RAB3C: variants seen among roughly 807,000 people sequenced by gnomAD.
The protein encoded by RAB3C is RAB3C, member RAS oncogene family.
RAB3C carries 17 observed loss-of-function variants against 26.4 expected under a neutral mutation model. That is an observed-to-expected ratio of 0.64 (90% confidence interval 0.44 to 0.97). The LOEUF (loss-of-function observed/expected upper bound fraction) is 0.97, where lower values mean the gene tolerates loss of function less well. RAB3C is among the 50% of genes least tolerant of loss of function. The pLI is 0.00. For missense variants in RAB3C, 242 were observed against 281.9 expected (o/e 0.86, Z 1.01); for synonymous variants, 91 against 95.9 (o/e 0.95, Z 0.30).
intron 1 of RAB3C, among the ~76,000 whole-genome samples, chr5:58,604,902 G>T (rs1746528709): frequency 6.6e-6 from 1 of 152,162 alleles, no homozygotes; most frequent in Admixed American, 6.5e-5. Flanking sequence ...TTTAACCGCT[G>T]CTCCTCTGGC....
chr5:58,594,992 G>C lies in RAB3C; in HGVS notation c.24+11760G>C, dbSNP rs146918566. On this transcript the variant is annotated intron_variant, in intron 1 of 4. Transcript: ENST00000282878. ...TCCTCAGGAAGAGGTATTCTTGTAA[G>C]AGCTATTCCTCATTTTGTGTTCTCC... is the stretch of plus-strand genomic sequence containing the variant. Among the ~76,000 whole-genome samples the C allele has an allele frequency of 2.1e-3, 320 of 151,900 alleles. 2 individuals carry two copies. The highest frequency in any genetic ancestry group is 7.5e-3 in the African/African-American group (309 of 41,430).
intron 3 of RAB3C, among the ~76,000 whole-genome samples, chr5:58,793,876 G>A (rs1742583710): frequency 6.6e-6 from 1 of 152,088 alleles, no homozygotes; most frequent in Non-Finnish European, 1.5e-5. Context: ...CTATGGTCCT[G>A]ATTATACATT....
chr5:58,647,934 T>C (rs1484723888), intron 2 of RAB3C, among the ~76,000 whole-genome samples: 4 of 152,364 alleles, frequency 2.6e-5, no homozygotes, highest in South Asian at 4.1e-4. Context: ...GTGGTTATCA[T>C]GTTTTGAAGA....
chr5:58,583,302 A>G, intron 1 of RAB3C, 70 bp downstream of exon 1: 1 of 1,606,476 alleles, frequency 6.2e-7, no homozygotes, highest in South Asian at 1.1e-5. Context: ...CTCCGCGCAC[A>G]AGCAGTTCAA....
intron 2 of RAB3C, among the ~76,000 whole-genome samples, chr5:58,642,018 C>A (rs915241836): frequency 5.3e-5 from 8 of 152,150 alleles, no homozygotes; most frequent in African/African-American, 1.9e-4. Flanking sequence ...AAAATAAGGA[C>A]AATAGTAGTA....
At chr5:58,633,522 T>C (rs1747229255) in intron 2 of RAB3C, among the ~76,000 whole-genome samples, 2 of 152,170 alleles carry the variant, frequency 1.3e-5, no homozygotes, top group South Asian at 4.1e-4. Flanking sequence ...ATGGACATTC[T>C]CTCCAGGTAG....
chr5:58,620,027 ATAT>A (rs1579821053), intron 2 of RAB3C, among the ~76,000 whole-genome samples: 1 of 152,048 alleles, frequency 6.6e-6, no homozygotes, highest in Middle Eastern at 3.4e-3. Context: ...AGTCTCTGAA[ATAT>A]TATTATCTTC....
intron 3 of RAB3C, among the ~76,000 whole-genome samples, chr5:58,799,321 A>G (rs1425104007): frequency 6.6e-6 from 1 of 152,156 alleles, no homozygotes; most frequent in Admixed American, 6.5e-5. Context: ...AACTAGATGT[A>G]TGGCAACTTC....
At chr5:58,697,877 T>G (rs1384001643) in intron 2 of RAB3C, among the ~76,000 whole-genome samples, 1 of 152,212 alleles carries the variant, frequency 6.6e-6, no homozygotes, top group Non-Finnish European at 1.5e-5. Flanking sequence ...TCTATACAAT[T>G]TGCCAGTCTA....
intron 3 of RAB3C, among the ~76,000 whole-genome samples, chr5:58,774,485 G>T (rs560761331): frequency 6.6e-6 from 1 of 152,250 alleles, no homozygotes; most frequent in African/African-American, 2.4e-5. Flanking sequence ...GCCAGGCACT[G>T]TTTCTAGCAC....
chr5:58,801,404 G>C (rs1423375), intron 3 of RAB3C, among the ~76,000 whole-genome samples: 92,389 of 152,068 alleles, frequency 0.61, 28,519 homozygotes, highest in Middle Eastern at 0.7. Flanking sequence ...GACTACATAG[G>C]ACCTGTATGA....
At chr5:58,659,499 C>T (rs1177528012) in intron 2 of RAB3C, among the ~76,000 whole-genome samples, 1 of 152,072 alleles carries the variant, frequency 6.6e-6, no homozygotes, top group African/African-American at 2.4e-5. Flanking sequence ...CACTCATTTG[C>T]CAATGAAAGG....
At chr5:58,835,885 C>A (rs929757018) in intron 4 of RAB3C, among the ~76,000 whole-genome samples, 21 of 152,332 alleles carry the variant, frequency 1.4e-4, no homozygotes, top group Admixed American at 1.2e-3. Context: ...GGCTTTCTCA[C>A]ACTAAATTGT....
chr5:58,782,675 G>T (rs1378075639), intron 3 of RAB3C, among the ~76,000 whole-genome samples: 1 of 151,924 alleles, frequency 6.6e-6, no homozygotes, highest in Admixed American at 6.6e-5. Context: ...TTAAAACTTT[G>T]CATTTCTAAA....
chr5:58,821,338 C>T (rs557503786), intron 3 of RAB3C, among the ~76,000 whole-genome samples: 1 of 152,186 alleles, frequency 6.6e-6, no homozygotes, highest in East Asian at 1.9e-4. Context: ...CCTATAGGAA[C>T]AAGAGATCAT....
rs77278906 is a variant in RAB3C at position 58,745,349 on chromosome 5, T to A, written c.371+19229T>A. ...GGAGGCAGAGCTTGCATTGAGCCGA[T>A]TGCACCACTGCACTCCAGCCTGGGC... On this transcript the variant is annotated intron_variant, in intron 3 of 4. Coordinates refer to ENST00000282878, the MANE Select transcript of RAB3C (RefSeq NM_138453.4). Among the ~76,000 whole-genome samples, 1,926 of 140,428 alleles carry A rather than the reference T, an allele frequency of 0.014. 129 individuals carry two copies. In the East Asian group the frequency reaches 0.19, roughly 14 times the overall value. The allele number at this position is 140,428 out of a possible 152,430, so 92.1% of individuals were successfully genotyped here. A position where few individuals can be genotyped will look rare whatever the true frequency, so the allele number is the denominator to read the frequency against.
chr5:58,634,847 T>C (rs1322393234), intron 2 of RAB3C, among the ~76,000 whole-genome samples: 1 of 152,120 alleles, frequency 6.6e-6, no homozygotes, highest in Non-Finnish European at 1.5e-5. Context: ...TGAAGCAGTG[T>C]AGTAACAATA....
chr5:58,609,887 T>C (rs1469002313), intron 1 of RAB3C, among the ~76,000 whole-genome samples: 1 of 152,168 alleles, frequency 6.6e-6, no homozygotes, highest in Non-Finnish European at 1.5e-5. Context: ...TCTTGTTCCC[T>C]GGGCAGCCCT....
chr5:58,792,077 G>C (rs1742535153), intron 3 of RAB3C, among the ~76,000 whole-genome samples: 1 of 152,200 alleles, frequency 6.6e-6, no homozygotes, highest in South Asian at 2.1e-4. Flanking sequence ...TCATTGTACA[G>C]TTTTCAAAGT....
Sources: gnomAD v4.1 joint callset for allele counts (sites outside exome capture counted in the v4.1 genomes callset) on GRCh38, gnomAD v4.1.1 for gene constraint, MANE v1.5 for transcripts, NCBI Gene and HGNC (gene_info 2026-07-23, HGNC 2026-07-21) for gene names.